DGKB: variants seen among roughly 807,000 people sequenced by gnomAD.
DGKB encodes the protein 90 kDa diacylglycerol kinase.
In DGKB, 67 loss-of-function variants were observed where a neutral mutation model predicts 114.3. The ratio of observed to expected loss-of-function variants is 0.59; its 90% CI spans 0.48 to 0.72. The LOEUF is 0.72. Ranked by LOEUF, DGKB falls within the 30% of genes least tolerant of loss-of-function variation. DGKB has a pLI of 0.00. For missense variants in DGKB, 907 were observed against 975.2 expected, an observed-to-expected ratio of 0.93 and a Z score of 0.93; for synonymous variants, 398 against 323.1, an observed-to-expected ratio of 1.23 and a Z score of -2.49.
chr7:14,535,732 C>T (rs12699642), intron 20 of DGKB, among the ~76,000 whole-genome samples: 53,267 of 151,820 alleles, frequency 0.35, 9,772 homozygotes, highest in Admixed American at 0.44. Context: ...GGATTACAGG[C>T]ACCCGCCACC....
chr7:14,941,221 T>C (rs1031022176), intron 1 of DGKB, among the ~76,000 whole-genome samples: 1 of 152,076 alleles, frequency 6.6e-6, no homozygotes, highest in Non-Finnish European at 1.5e-5. Context: ...ATGACCACTT[T>C]TCAAGTGCTT....
chr7:14,917,372 T>G (rs1472105397), intron 1 of DGKB, among the ~76,000 whole-genome samples: 1 of 152,006 alleles, frequency 6.6e-6, no homozygotes, highest in Non-Finnish European at 1.5e-5. Context: ...ATTAGTGAAC[T>G]TCTAGCCAGG....
intron 14 of DGKB, among the ~76,000 whole-genome samples, chr7:14,628,991 T>C (rs997411548): frequency 1.3e-5 from 2 of 152,106 alleles, no homozygotes; most frequent in Non-Finnish European, 2.9e-5. Flanking sequence ...TCAATCTATA[T>C]GACACAAATT....
intron 1 of DGKB, among the ~76,000 whole-genome samples, chr7:14,886,471 ACT>A (rs1855069430): frequency 6.6e-6 from 1 of 151,472 alleles, no homozygotes; most frequent in Admixed American, 6.6e-5. Context: ...TCCTGCTCGA[ACT>A]CTCTCTCTCA....
At chr7:14,279,767 A>G (rs1799635395) in intron 23 of DGKB, among the ~76,000 whole-genome samples, 2 of 150,320 alleles carry the variant, frequency 1.3e-5, no homozygotes, top group Admixed American at 1.3e-4. Flanking sequence ...CTCACACTGC[A>G]GGGTACTCCA....
intron 21 of DGKB, among the ~76,000 whole-genome samples, chr7:14,429,451 A>C (rs1200695787): frequency 6.6e-6 from 1 of 152,066 alleles, no homozygotes; most frequent in Non-Finnish European, 1.5e-5. Context: ...GTGAGTAATA[A>C]ATGTTTGTTG....
At chr7:14,643,562 G>A (rs1264532925) in intron 13 of DGKB, among the ~76,000 whole-genome samples, 3 of 152,048 alleles carry the variant, frequency 2.0e-5, no homozygotes, top group Non-Finnish European at 2.9e-5. Flanking sequence ...TGGAACTGGT[G>A]GTACAACTGT....
At chr7:14,168,704 G>C (rs1203924531) in intron 25 of DGKB, among the ~76,000 whole-genome samples, 1 of 152,216 alleles carries the variant, frequency 6.6e-6, no homozygotes, top group Non-Finnish European at 1.5e-5. Context: ...TTACAATTAA[G>C]TCAGAAGAGC....
chr7:14,176,580 G>T, intron 25 of DGKB: 1 of 1,151,056 alleles, frequency 8.7e-7, no homozygotes, highest in Non-Finnish European at 1.1e-6. Context: ...ATTGATCTAT[G>T]GTTTATAATT....
At chr7:14,359,101 G>T (rs1327346250) in intron 21 of DGKB, among the ~76,000 whole-genome samples, 1 of 149,566 alleles carries the variant, frequency 6.7e-6, no homozygotes, top group Admixed American at 6.7e-5. Flanking sequence ...TACCAAAACA[G>T]ATATATATAT....
intron 20 of DGKB, among the ~76,000 whole-genome samples, chr7:14,529,434 T>C (rs1791193991): frequency 1.3e-5 from 2 of 151,890 alleles, no homozygotes; most frequent in South Asian, 4.1e-4. Context: ...CTTGGTAATA[T>C]GATTAAAAAC....
At chr7:14,459,523 C>A (rs909906687) in intron 21 of DGKB, among the ~76,000 whole-genome samples, 1 of 151,662 alleles carries the variant, frequency 6.6e-6, no homozygotes, top group African/African-American at 2.4e-5. Context: ...ATCAACTTAA[C>A]AAAAGAAAGC....
intron 21 of DGKB, among the ~76,000 whole-genome samples, chr7:14,379,363 G>A (rs1207618972): frequency 1.3e-5 from 2 of 150,460 alleles, no homozygotes; most frequent in Admixed American, 6.6e-5. Flanking sequence ...ATTCTAGGAT[G>A]AAATCCATCA....
chr7:14,570,267 G>A (rs774448711), intron 20 of DGKB, among the ~76,000 whole-genome samples: 2 of 151,724 alleles, frequency 1.3e-5, no homozygotes, highest in Admixed American at 1.3e-4. Flanking sequence ...CTAACATTAC[G>A]AATTTTTGTT....
At chr7:14,163,660 T>G (rs571665386) in intron 25 of DGKB, among the ~76,000 whole-genome samples, 1 of 152,280 alleles carries the variant, frequency 6.6e-6, no homozygotes, top group South Asian at 2.1e-4. Flanking sequence ...AGAAGACTAT[T>G]AATTTTCTCT....
intron 21 of DGKB, among the ~76,000 whole-genome samples, chr7:14,430,446 T>C (rs924230323): frequency 6.6e-6 from 1 of 152,158 alleles, no homozygotes; most frequent in South Asian, 2.1e-4. Flanking sequence ...AAAATCATGA[T>C]TGGTTAACAT....
chr7:14,208,664 G>T (rs181631377), intron 23 of DGKB, among the ~76,000 whole-genome samples: 21 of 151,982 alleles, frequency 1.4e-4, no homozygotes, highest in Non-Finnish European at 5.9e-5. Flanking sequence ...TTAATTTTAC[G>T]ACAGTTAAAG....
intron 12 of DGKB, among the ~76,000 whole-genome samples, chr7:14,673,301 A>T (rs559950417): frequency 1.6e-4 from 24 of 152,004 alleles, no homozygotes; most frequent in Non-Finnish European, 2.9e-4. Flanking sequence ...TTTACACCAA[A>T]GAACCCTGAT....
intron 1 of DGKB, among the ~76,000 whole-genome samples, chr7:14,934,258 T>C (rs979915680): frequency 1.3e-5 from 2 of 152,328 alleles, no homozygotes; most frequent in East Asian, 1.9e-4. Context: ...AAATTACTTA[T>C]GTAATAAATT....
Sources: gnomAD v4.1 joint callset for allele counts (sites outside exome capture counted in the v4.1 genomes callset) on GRCh38, gnomAD v4.1.1 for gene constraint, MANE v1.5 for transcripts, NCBI Gene and HGNC (gene_info 2026-07-23, HGNC 2026-07-21) for gene names.